The following SDCCAG8 variants were observed in gnomAD, a reference collection of about 807,000 sequenced individuals.
The protein encoded by SDCCAG8 is SHH signaling and ciliogenesis regulator SDCCAG8.
In SDCCAG8, 74 loss-of-function variants were observed where a neutral mutation model predicts 101.8. That is an observed-to-expected ratio of 0.73 (90% CI 0.60 to 0.88). The LOEUF is 0.88. SDCCAG8 is among the 40% of genes least tolerant of loss of function. The pLI, the probability that SDCCAG8 is intolerant of heterozygous loss-of-function variation, is 0.00. For missense variants in SDCCAG8, 787 were observed against 822.6 expected (o/e 0.96, Z 0.53); for synonymous variants, 281 against 292.9 (o/e 0.96, Z 0.41).
intron 16 of SDCCAG8, among the ~76,000 whole-genome samples, chr1:243,447,766 T>A (rs539733318): frequency 6.6e-6 from 1 of 152,344 alleles, no homozygotes; most frequent in South Asian, 2.1e-4. Context: ...TAACCATTTT[T>A]AAAATTTAAG....
At chr1:243,325,198 A>G (rs148728553) in intron 9 of SDCCAG8, among the ~76,000 whole-genome samples, 2 of 152,326 alleles carry the variant, frequency 1.3e-5, no homozygotes, top group East Asian at 1.9e-4. Flanking sequence ...GTGGAAGTCA[A>G]TTATTATTAA....
rs138086987 is a variant in SDCCAG8 at position 243,256,744 on chromosome 1, A to G, written c.67+504A>G. Among the ~76,000 whole-genome samples the G allele has an allele frequency of 6.6e-4, 101 of 152,332 alleles. 1 individual carries two copies. Among genetic ancestry groups the G allele is most frequent in the African/African-American group, 2.4e-3 (98 of 41,572 alleles). On this transcript the variant is annotated intron_variant, in intron 1 of 17. Transcript: ENST00000366541. ...TGCAGCTTACACCAATCGTGTGAAT[A>G]TTTTACACATGGGGAAAGCGAAGCT...
chr1:243,330,028 T>C (rs1467051633), intron 9 of SDCCAG8, among the ~76,000 whole-genome samples: 1 of 152,206 alleles, frequency 6.6e-6, no homozygotes, highest in Non-Finnish European at 1.5e-5. Context: ...TAGTTATATT[T>C]AAGGAAACTT....
chr1:243,410,848 G>A (rs2080122493), intron 13 of SDCCAG8, among the ~76,000 whole-genome samples: 1 of 152,132 alleles, frequency 6.6e-6, no homozygotes, highest in Non-Finnish European at 1.5e-5. Context: ...AAGTGGGATG[G>A]TAAATATCAT....
chr1:243,424,753 G>T (rs955146560), intron 15 of SDCCAG8, among the ~76,000 whole-genome samples: 21 of 151,980 alleles, frequency 1.4e-4, no homozygotes, highest in African/African-American at 5.1e-4. Context: ...ACAAACCTAT[G>T]ATATATTTTA....
chr1:243,268,018 C>G lies in SDCCAG8; in HGVS notation c.68-2087C>G. ...ACGCGCTGGGATCCTTCTTTTCTTT[C>G]TCTTTAGGTTTTAATCTATCCTTTT... On this transcript the variant is annotated intron_variant, in intron 1 of 17. Coordinates refer to ENST00000366541, the MANE Select transcript of SDCCAG8 (RefSeq NM_006642.5). 7.7e-6 allele frequency: 6 copies of G among 778,648 alleles called. No individual in the cohort carries two copies. The South Asian group carries it at 8.0e-5, about 10-fold the overall frequency. 48.2% of individuals were successfully genotyped at this position (778,648 alleles called of 1,614,324 possible). A position where few individuals can be genotyped will look rare whatever the true frequency, so the allele number is the denominator to read the frequency against.
chr1:243,329,465 T>C (rs1435078070), intron 9 of SDCCAG8, among the ~76,000 whole-genome samples: 1 of 152,208 alleles, frequency 6.6e-6, no homozygotes, highest in Non-Finnish European at 1.5e-5. Context: ...CAGTGCTTAC[T>C]AAGGCCATTT....
intron 9 of SDCCAG8, among the ~76,000 whole-genome samples, chr1:243,318,676 C>T (rs1479972678): frequency 6.6e-6 from 1 of 152,162 alleles, no homozygotes; most frequent in Non-Finnish European, 1.5e-5. Flanking sequence ...ACTGTTTCCT[C>T]AGACTCTCCT....
At chr1:243,405,566 G>GAA (rs1390908408) in intron 13 of SDCCAG8, among the ~76,000 whole-genome samples, 1 of 152,130 alleles carries the variant, frequency 6.6e-6, no homozygotes, top group Non-Finnish European at 1.5e-5. Flanking sequence ...CAGTAAGTAT[G>GAA]CCTACCTTGT....
rs1459174258 is a variant in SDCCAG8, at chr1:243,480,845, GGGGT to G, written c.1986-8166_1986-8163del. Among the ~76,000 whole-genome samples the G allele has an allele frequency of 6.2e-3, 776 of 125,166 alleles. 20 individuals are homozygous for G. Among genetic ancestry groups the G allele is most frequent in the Non-Finnish European group, 8.4e-3 (504 of 59,992 alleles). The allele number at this position is 125,166 out of a possible 152,430, so 82.1% of individuals were successfully genotyped here. A position where few individuals can be genotyped will look rare whatever the true frequency, so the allele number is the denominator to read the frequency against. ...TGGATGGATGGATGGATGGATGGGT[GGGGT>G]GGATGGATGGGTGGATGGATGGATG... On this transcript the variant is annotated intron_variant, in intron 16 of 17. Transcript: ENST00000366541.
At chr1:243,489,696 A>G (rs1299468058) in intron 17 of SDCCAG8, among the ~76,000 whole-genome samples, 1 of 152,192 alleles carries the variant, frequency 6.6e-6, no homozygotes, top group African/African-American at 2.4e-5. Flanking sequence ...TTGAACAAGC[A>G]GGCGATGCTG....
chr1:243,317,733 AG>A (rs1351292574), intron 9 of SDCCAG8, among the ~76,000 whole-genome samples: 1 of 152,188 alleles, frequency 6.6e-6, no homozygotes, highest in East Asian at 1.9e-4. Context: ...GAAGAATAGG[AG>A]GTTACTGTTG....
intron 9 of SDCCAG8, among the ~76,000 whole-genome samples, chr1:243,317,319 ATTT>A (rs34669151): frequency 4.5e-5 from 6 of 133,548 alleles, no homozygotes; most frequent in Admixed American, 7.6e-5. Context: ...ATTTAGTAGC[ATTT>A]TTTTTTTTTT....
intron 5 of SDCCAG8, among the ~76,000 whole-genome samples, chr1:243,288,543 T>C (rs1181230762): frequency 1.3e-5 from 2 of 152,114 alleles, no homozygotes; most frequent in Non-Finnish European, 2.9e-5. Flanking sequence ...GTAACATGAA[T>C]AAAAATGTTT....
intron 11 of SDCCAG8, among the ~76,000 whole-genome samples, 192 bp downstream of exon 11, chr1:243,341,365 G>A (rs1006088123): frequency 6.6e-6 from 1 of 152,242 alleles, no homozygotes; most frequent in Non-Finnish European, 1.5e-5. Context: ...CAGCCCCTCA[G>A]TGGGTATTGC....
intron 16 of SDCCAG8, among the ~76,000 whole-genome samples, chr1:243,481,567 C>T (rs1351333969): frequency 6.6e-6 from 1 of 152,154 alleles, no homozygotes; most frequent in East Asian, 1.9e-4. Context: ...GCATATTTTA[C>T]AGTTCATGTA....
intron 8 of SDCCAG8, among the ~76,000 whole-genome samples, chr1:243,309,135 C>T (rs1235998538): frequency 6.6e-6 from 1 of 152,184 alleles, no homozygotes. Flanking sequence ...CCTGCTTCTT[C>T]AGATTTAAGA....
rs79413051 is a variant in SDCCAG8 at position 243,302,877 on chromosome 1, G to T, written c.676-1836G>T. On this transcript the variant is annotated intron_variant, in intron 6 of 17. Coordinates refer to ENST00000366541, the MANE Select transcript of SDCCAG8 (RefSeq NM_006642.5). The stretch of plus-strand genomic sequence containing the variant: ...AGTAGCAAGAACATCATGAAAGTGT[G>T]AGAGGATTACAGCATTGAAAATGCC... Among the ~76,000 whole-genome samples, 126 of 152,320 alleles carry T rather than the reference G, an allele frequency of 8.3e-4. 3 individuals are homozygous for T. In the East Asian group the frequency reaches 0.02, roughly 24 times the overall value.
chr1:243,405,040 A>G (rs1446192071), intron 13 of SDCCAG8, among the ~76,000 whole-genome samples: 1 of 151,816 alleles, frequency 6.6e-6, no homozygotes, highest in Non-Finnish European at 1.5e-5. Flanking sequence ...TAATTTTTGT[A>G]TTTTTAGTAG....
Sources: gnomAD v4.1 joint callset for allele counts (sites outside exome capture counted in the v4.1 genomes callset) on GRCh38, gnomAD v4.1.1 for gene constraint, MANE v1.5 for transcripts, NCBI Gene and HGNC (gene_info 2026-07-23, HGNC 2026-07-21) for gene names.